Variants in UCHL5 observed in about 807,000 individuals in gnomAD.
UCHL5 encodes the protein ubiquitin carboxyl-terminal hydrolase isozyme L5.
UCHL5 carries 34 observed loss-of-function variants against 53.8 expected under a neutral mutation model. That is an observed-to-expected ratio of 0.63 (90% CI 0.48 to 0.84). The LOEUF (loss-of-function observed/expected upper bound fraction) is 0.84. Ranked by LOEUF, UCHL5 falls within the 40% of genes least tolerant of loss-of-function variation. The pLI is 0.00. For missense variants in UCHL5, 290 were observed against 385.6 expected, an observed-to-expected ratio of 0.75 and a Z score of 2.08; for synonymous variants, 111 against 126.3, an observed-to-expected ratio of 0.88 and a Z score of 0.81.
At chr1:193,042,563 T>C (rs1447821706) in intron 3 of UCHL5, among the ~76,000 whole-genome samples, 1 of 152,178 alleles carries the variant, frequency 6.6e-6, no homozygotes. Flanking sequence ...GTGGTAATAC[T>C]TTATCTCTAA....
intron 1 of UCHL5, among the ~76,000 whole-genome samples, chr1:193,054,934 G>T (rs987456080): frequency 3.9e-5 from 6 of 152,136 alleles, no homozygotes; most frequent in African/African-American, 1.4e-4. Flanking sequence ...TTAATGCTCT[G>T]AGCCAAGAGG....
intron 3 of UCHL5, among the ~76,000 whole-genome samples, chr1:193,047,987 G>A (rs1404946671): frequency 1.6e-5 from 1 of 64,140 alleles, no homozygotes; most frequent in African/African-American, 5.7e-5. Flanking sequence ...TGACCTTGGA[G>A]TACAAGTCTC....
chr1:193,023,384 A>G (rs748767826), intron 8 of UCHL5, among the ~76,000 whole-genome samples: 15 of 152,180 alleles, frequency 9.9e-5, no homozygotes, highest in Non-Finnish European at 1.6e-4. Flanking sequence ...CTCTTCTCCA[A>G]TGACATTTAC....
At chr1:193,053,062 C>T (rs1388283921) in intron 1 of UCHL5, among the ~76,000 whole-genome samples, 1 of 152,146 alleles carries the variant, frequency 6.6e-6, no homozygotes, top group Non-Finnish European at 1.5e-5. Context: ...ATTAAAGGCC[C>T]ATTCTGGTAT....
chr1:193,059,255 C>A lies in UCHL5; in HGVS notation c.6G>T (p.Thr2=), dbSNP rs541322917. 5.0e-6 allele frequency: 8 copies of A among 1,613,948 alleles called. No individual in the cohort carries two copies. In the African/African-American group the frequency reaches 8.0e-5, roughly 16 times the overall value. Reference sequence around the variant, plus strand: ...TGAGGCACCACTCCCCGGCATTGCCCGTCATGGCCCTGGCCACACACCGCC... The same window carrying A: ...TGAGGCACCACTCCCCGGCATTGCCAGTCATGGCCCTGGCCACACACCGCC... M[T]GNAGEWCLME... The change falls in exon 1 of 11, where the codon ACG becomes ACT. Residue 2 remains threonine, a synonymous_variant. Transcript: ENST00000367454. This position sits in a 1 kb window ranked among gnomAD's most constrained non-coding sequence, Gnocchi z 4.9.
Position 193,016,269 on chromosome 1 carries a change from T to C in UCHL5, c.*82A>G. ...CAAACGTGCACTGAGCCAATTAGGA[T>C]GTTGCTCTAAGTTCTTTATACATAA... is the stretch of plus-strand genomic sequence containing the variant. On this transcript the variant is annotated 3_prime_UTR_variant, in exon 11 of 11. Transcript: ENST00000367454. 6.6e-7 allele frequency: 1 copy of C among 1,521,032 alleles called. No homozygotes were observed. The highest frequency in any genetic ancestry group is 1.2e-5 in the South Asian group (1 of 82,248). 94.2% of individuals were successfully genotyped at this position (1,521,032 alleles called of 1,614,324 possible).
At chr1:193,035,147 A>G (rs1402528335) in intron 3 of UCHL5, among the ~76,000 whole-genome samples, 1 of 152,062 alleles carries the variant, frequency 6.6e-6, no homozygotes, top group African/African-American at 2.4e-5. Flanking sequence ...TCAAGAAAAA[A>G]AAACAAATTA....
At position 193,029,296 on chromosome 1, in the gene UCHL5, C is replaced by G. The variant is rs865934027; in HGVS notation, c.448G>C (p.Glu150Gln). The change falls in exon 6 of 11, where the codon GAA (glutamate) becomes CAA (glutamine). Residue 150 changes from glutamate to glutamine, a missense_variant. Transcript: ENST00000367454. ...TTTGCTGATGTCTTCGTATCAAATT[C>G]AAACATTTGCTGTCTACAGTAAATA... ...HNSFARQQMF[E>Q]FDTKTSAKEE... 6.2e-7 allele frequency: 1 copy of G among 1,613,634 alleles called. No individual in the cohort carries two copies.
At chr1:193,042,276 G>A (rs1009329436) in intron 3 of UCHL5, among the ~76,000 whole-genome samples, 2 of 152,124 alleles carry the variant, frequency 1.3e-5, no homozygotes, top group Admixed American at 6.6e-5. Flanking sequence ...GAGGGAAGAC[G>A]AGAAGTACAT....
upstream of UCHL5, chr1:193,060,009 G>A (rs765558120): frequency 3.7e-6 from 5 of 1,360,812 alleles, no homozygotes; most frequent in Non-Finnish European, 4.9e-6. Context: ...TCCTCAGGGT[G>A]GGCCCTTTCC....
At chr1:193,043,183 A>G (rs1571808321) in intron 3 of UCHL5, among the ~76,000 whole-genome samples, 3 of 140,858 alleles carry the variant, frequency 2.1e-5, no homozygotes, top group South Asian at 4.6e-4. Context: ...AAAACCACCT[A>G]TTTCTTATAA....
intron 6 of UCHL5, 96 bp downstream of exon 6, chr1:193,029,083 T>C: frequency 1.4e-6 from 2 of 1,459,610 alleles, no homozygotes; most frequent in South Asian, 1.4e-5. Flanking sequence ...CATAGTCACT[T>C]TTACCTTGAA....
intron 6 of UCHL5, among the ~76,000 whole-genome samples, chr1:193,028,476 A>C (rs1362296038): frequency 6.6e-6 from 1 of 152,196 alleles, no homozygotes; most frequent in African/African-American, 2.4e-5. Flanking sequence ...TTTTATGAAT[A>C]GCCTATAACA....
chr1:193,022,485 C>T lies in UCHL5; in HGVS notation c.843+441G>A, dbSNP rs541688305. On this transcript the variant is annotated intron_variant, in intron 9 of 10. Transcript: ENST00000367454. Reference sequence around the variant, plus strand: ...GATCAGCATGGCCAACATGGCAAAACCCTGTCTCTACTAAAAACACAAAAA... The same window carrying T: ...GATCAGCATGGCCAACATGGCAAAATCCTGTCTCTACTAAAAACACAAAAA... Among the ~76,000 whole-genome samples, 186 of 151,988 alleles carry T rather than the reference C, an allele frequency of 1.2e-3. 2 individuals are homozygous for T. Among genetic ancestry groups the T allele is most frequent in the Admixed American group, 3.5e-3 (53 of 15,256 alleles).
At chr1:193,028,924 A>G (rs1359420447) in intron 6 of UCHL5, among the ~76,000 whole-genome samples, 1 of 152,190 alleles carries the variant, frequency 6.6e-6, no homozygotes, top group African/African-American at 2.4e-5. Context: ...GGAAAATAAA[A>G]TATAAATTAT....
At chr1:193,058,958 C>T (rs1572015427) in intron 1 of UCHL5, among the ~76,000 whole-genome samples, 1 of 152,362 alleles carries the variant, frequency 6.6e-6, no homozygotes, top group East Asian at 1.9e-4. Flanking sequence ...AGGCACAAGA[C>T]TGACACGATC....
chr1:193,019,676 T>C (rs1656180974), intron 10 of UCHL5, among the ~76,000 whole-genome samples: 1 of 151,724 alleles, frequency 6.6e-6, no homozygotes, highest in Admixed American at 6.6e-5. Flanking sequence ...GGAATAATTA[T>C]TCTAATGTTA....
intron 7 of UCHL5, among the ~76,000 whole-genome samples, chr1:193,026,946 A>T (rs1659482975): frequency 6.6e-6 from 1 of 152,214 alleles, no homozygotes. Context: ...ACACTTAAAA[A>T]CTTGGAAGAA....
chr1:193,026,893 T>C (rs1262606801), intron 7 of UCHL5, among the ~76,000 whole-genome samples: 2 of 152,130 alleles, frequency 1.3e-5, no homozygotes, highest in Non-Finnish European at 2.9e-5. Context: ...GGTATATCCA[T>C]ACCACAGAAT....
Sources: gnomAD v4.1 joint callset for allele counts (sites outside exome capture counted in the v4.1 genomes callset) on GRCh38, gnomAD v4.1.1 for gene constraint, Gnocchi (gnomAD v3.1) non-coding constraint, MANE v1.5 for transcripts, NCBI Gene and HGNC (gene_info 2026-07-23, HGNC 2026-07-21) for gene names.